SMG7: variants seen among roughly 807,000 people sequenced by gnomAD.
SMG7 encodes the protein nonsense-mediated mRNA decay factor SMG7.
In SMG7, 34 loss-of-function variants were observed where a neutral mutation model predicts 148.2. The ratio of observed to expected loss-of-function variants is 0.23; its 90% CI spans 0.17 to 0.31. SMG7 has a LOEUF of 0.31. SMG7 is among the 10% of genes least tolerant of loss of function. The pLI is 1.00. For synonymous variants in SMG7, 492 were observed against 515.1 expected (o/e 0.96, Z 0.61); for missense variants, 1,114 against 1,408.4 (o/e 0.79, Z 3.35).
At chr1:183,526,396 C>T (rs971008407) in intron 4 of SMG7, among the ~76,000 whole-genome samples, 200 bp from the exon 5 acceptor site, 4 of 151,904 alleles carry the variant, frequency 2.6e-5, no homozygotes, top group Non-Finnish European at 1.5e-5. Flanking sequence ...TCAAGTGATC[C>T]GCCCGCCTTG....
intron 1 of SMG7, among the ~76,000 whole-genome samples, chr1:183,495,439 AAGAG>A (rs1308090139): frequency 1.3e-5 from 2 of 152,152 alleles, no homozygotes; most frequent in Non-Finnish European, 2.9e-5. Flanking sequence ...GTTGAGGAGG[AAGAG>A]AGAGTGAGGA....
At chr1:183,534,174 TGAAGG>T (rs1667336863) in intron 10 of SMG7, among the ~76,000 whole-genome samples, 1 of 150,174 alleles carries the variant, frequency 6.7e-6, no homozygotes, top group Admixed American at 6.6e-5. Flanking sequence ...TTGTTTGAGT[TGAAGG>T]GAAGAGATTT....
intron 1 of SMG7, 177 bp downstream of exon 1, chr1:183,472,826 C>T (rs1422321768): frequency 2.1e-6 from 1 of 479,230 alleles, no homozygotes; most frequent in Admixed American, 4.3e-5. Context: ...GGTATGGGTG[C>T]CTAGCCCCTA....
rs757074284 is a variant in SMG7, at chr1:183,546,063, A to G, written c.2468A>G (p.Gln823Arg). The G allele has an allele frequency of 1.2e-6, 2 of 1,614,050 alleles. No individual in the cohort carries two copies. Among genetic ancestry groups the G allele is most frequent in the Admixed American group, 1.7e-5 (1 of 60,000 alleles). Residue 823 changes from glutamine to arginine, a missense_variant, in exon 17 of 23, where the codon CAG becomes CGG. Around this residue, in one of 4 missense-constraint regions of SMG7, gnomAD observed 788 missense variants for 894.5 expected, o/e 0.88. Transcript: ENST00000688051. ...CCTGTGAAACAGCCCTACTACCTTC[A>G]GACCCAAGACCCCATAAAACTGTTT... ...IMPVKQPYYLQTQDPIKLFEP... is the reference protein window; with the variant it reads ...IMPVKQPYYLRTQDPIKLFEP...
chr1:183,533,392 A>T, intron 9 of SMG7, 66 bp downstream of exon 9: 5 of 1,489,876 alleles, frequency 3.4e-6, no homozygotes, highest in Admixed American at 1.8e-5. Flanking sequence ...CATTTCATCG[A>T]TGTAGCAAAG....
At position 183,546,115 on chromosome 1, in the gene SMG7, G is replaced by A. The variant is rs1187612623; in HGVS notation, c.2520G>A (p.Met840Ile). The change falls in exon 17 of 23, where the codon ATG becomes ATA. Residue 840 changes from methionine (M) to isoleucine (I), a missense_variant. By Grantham distance (10) the Met-to-Ile change is conservative. Coordinates refer to ENST00000688051, the MANE Select transcript of SMG7 (RefSeq NM_001375584.1). ...AGCCGTCATTGCAACCTCCTGTAATGCAGCAGCAGCCTCTAGAAAAAAAAA... is the reference window on the plus strand; with the variant it reads ...AGCCGTCATTGCAACCTCCTGTAATACAGCAGCAGCCTCTAGAAAAAAAAA... ...LFEPSLQPPV[M>I]QQQPLEKKMK... The A allele has an allele frequency of 6.2e-7, 1 of 1,613,658 alleles. No individual in the cohort carries two copies. Among genetic ancestry groups the A allele is most frequent in the Non-Finnish European group, 8.5e-7 (1 of 1,179,944 alleles).
rs115649277 is a variant in SMG7, at chr1:183,472,932, G to C, written c.29+283G>C. The C allele has an allele frequency of 1.4e-3, 549 of 380,848 alleles. 5 individuals carry two copies. Among genetic ancestry groups the C allele is most frequent in the African/African-American group, 0.011 (523 of 48,064 alleles). The allele number at this position is 380,848 out of a possible 1,614,324, so 23.6% of individuals were successfully genotyped here. A position where few individuals can be genotyped will look rare whatever the true frequency, so the allele number is the denominator to read the frequency against. On this transcript the variant is annotated intron_variant, in intron 1 of 22. Coordinates refer to ENST00000688051, the MANE Select transcript of SMG7 (RefSeq NM_001375584.1). ...TGTGCGCGCGCGCCCTTGGTCTCGGGTTTGCTAGCGAGGGGTGGAGAGAAA... is the reference window on the plus strand; with the variant it reads ...TGTGCGCGCGCGCCCTTGGTCTCGGCTTTGCTAGCGAGGGGTGGAGAGAAA...
chr1:183,485,189 A>G (rs1282097423), intron 1 of SMG7, among the ~76,000 whole-genome samples: 2 of 152,194 alleles, frequency 1.3e-5, no homozygotes, highest in East Asian at 1.9e-4. Flanking sequence ...TTGAACCTAG[A>G]TATCAGGCTG....
In SMG7 at chr1:183,541,212, C is replaced by T. The variant is rs554347467; in HGVS notation, c.1415+109C>T. Reference sequence around the variant, plus strand: ...CATCTCATATGTTACGTATTTTAGGCTTTGGTATAAATATTGTCAATCATG... The same window carrying T: ...CATCTCATATGTTACGTATTTTAGGTTTTGGTATAAATATTGTCAATCATG... On this transcript the variant is annotated intron_variant, in intron 13 of 22. Transcript: ENST00000688051. 5 of 996,724 alleles carry T rather than the reference C, an allele frequency of 5.0e-6. No homozygotes were observed. In the East Asian group the frequency reaches 1.3e-4, roughly 25 times the overall value. The allele number at this position is 996,724 out of a possible 1,614,324, so 61.7% of individuals were successfully genotyped here. A position where few individuals can be genotyped will look rare whatever the true frequency, so the allele number is the denominator to read the frequency against.
chr1:183,540,096 A>G (rs1668537258), intron 12 of SMG7, among the ~76,000 whole-genome samples: 1 of 152,130 alleles, frequency 6.6e-6, no homozygotes, highest in South Asian at 2.1e-4. Flanking sequence ...CTATACTTGA[A>G]TAGCTCACTA....
chr1:183,529,371 T>G (rs1400087089), intron 7 of SMG7, 27 bp from the exon 8 acceptor site: 2 of 1,605,058 alleles, frequency 1.2e-6, no homozygotes, highest in Admixed American at 3.5e-5. Flanking sequence ...TGCTTATGAT[T>G]CATGGAATTT....
chr1:183,521,029 C>A (rs1664647038), intron 4 of SMG7, among the ~76,000 whole-genome samples: 1 of 150,608 alleles, frequency 6.6e-6, no homozygotes, highest in African/African-American at 2.4e-5. Context: ...TTTATTTTCA[C>A]ATTATGATAT....
At chr1:183,550,188 C>G (rs1222788908) in intron 20 of SMG7, 4 of 337,038 alleles carry the variant, frequency 1.2e-5, no homozygotes, top group African/African-American at 2.1e-5. Context: ...TCTTATGGTT[C>G]TCAGCTGCTT....
chr1:183,500,791 G>T (rs941214625), intron 1 of SMG7, among the ~76,000 whole-genome samples: 1 of 152,236 alleles, frequency 6.6e-6, no homozygotes, highest in African/African-American at 2.4e-5. Flanking sequence ...ATACTGAGGG[G>T]CAAAACAACA....
intron 15 of SMG7, 64 bp downstream of exon 15, chr1:183,544,561 T>C: frequency 1.3e-6 from 2 of 1,532,290 alleles, no homozygotes; most frequent in South Asian, 2.3e-5. Flanking sequence ...ATTCAGTCAC[T>C]GAGAAATGTG....
In SMG7 at chr1:183,552,174, C is replaced by T; in HGVS notation, c.*243C>T. Reference sequence around the variant, plus strand: ...TCCGGAGGGAGAGAGAGAGGAACTGCTGTTTATCTCACTCAGTTACTTGGT... The same window carrying T: ...TCCGGAGGGAGAGAGAGAGGAACTGTTGTTTATCTCACTCAGTTACTTGGT... On this transcript the variant is annotated 3_prime_UTR_variant, in exon 23 of 23. Coordinates refer to ENST00000688051, the MANE Select transcript of SMG7 (RefSeq NM_001375584.1). 2.6e-6 allele frequency: 3 copies of T among 1,160,878 alleles called. No homozygotes were observed. The highest frequency in any genetic ancestry group is 4.3e-5 in the East Asian group (1 of 23,480). 71.9% of individuals were successfully genotyped at this position (1,160,878 alleles called of 1,614,324 possible).
intron 1 of SMG7, among the ~76,000 whole-genome samples, chr1:183,490,569 C>T (rs970725887): frequency 1.7e-4 from 26 of 151,972 alleles, no homozygotes; most frequent in African/African-American, 6.3e-4. Context: ...ATTACATTGC[C>T]ACCGCTACTG....
intron 1 of SMG7, among the ~76,000 whole-genome samples, chr1:183,480,319 A>G (rs1653747524): frequency 1.3e-5 from 2 of 151,838 alleles, no homozygotes; most frequent in South Asian, 4.1e-4. Flanking sequence ...CCTTTGTTTT[A>G]TGGCCAAGCG....
Position 183,550,817 on chromosome 1 carries a change from C to T in SMG7, c.3200C>T (p.Pro1067Leu), listed in dbSNP as rs1670893623. 6 of 1,614,172 alleles carry T rather than the reference C, an allele frequency of 3.7e-6. No individual in the cohort carries two copies. Among genetic ancestry groups the T allele is most frequent in the African/African-American group, 1.3e-5 (1 of 75,050 alleles). The change falls in exon 21 of 23, where the codon CCA (proline) becomes CTA (leucine). Residue 1067 changes from proline (P) to leucine (L), a missense_variant. This residue lies in a region of SMG7 where 788 missense variants were observed against 894.5 expected (regional missense o/e 0.88). Coordinates refer to ENST00000688051, the MANE Select transcript of SMG7 (RefSeq NM_001375584.1). ...CCAAGCAGCCTACCCAGCTCTCCTC[C>T]AACACACAACCATAATTCTGTTCCA... The part of the protein sequence containing the change: ...SNPSSLPSSP[P>L]THNHNSVPFS...
Sources: allele counts gnomAD v4.1 joint callset (sites outside exome capture counted in the v4.1 genomes callset), GRCh38; gene constraint gnomAD v4.1.1; regional missense constraint gnomAD v4.1.1; transcripts MANE v1.5; gene names NCBI Gene and HGNC (gene_info 2026-07-23, HGNC 2026-07-21).